DIAPH2: variants seen among roughly 807,000 people sequenced by gnomAD.
DIAPH2 encodes protein diaphanous homolog 2.
Under a neutral mutation model 92.7 loss-of-function variants are expected in DIAPH2, and 35 were observed. The observed-to-expected ratio is 0.38, with a 90% CI of 0.29 to 0.50. The LOEUF (loss-of-function observed/expected upper bound fraction) is 0.50, where lower values mean the gene tolerates loss of function less well. Ranked by LOEUF, DIAPH2 falls within the 20% of genes least tolerant of loss-of-function variation. DIAPH2 has a pLI of 0.94. For missense variants in DIAPH2, 701 were observed against 819.5 expected (o/e 0.86, Z 1.77); for synonymous variants, 301 against 280.4 (o/e 1.07, Z -0.73).
chrX:96,905,944 A>G (rs1466800516), intron 5 of DIAPH2, among the ~76,000 whole-genome samples: 1 of 111,914 alleles, frequency 8.9e-6, no homozygotes, highest in Non-Finnish European at 1.9e-5. Context: ...CCTGGCTAAC[A>G]CGATGAAACC....
chrX:96,685,139 C>G lies in DIAPH2; in HGVS notation c.81C>G (p.Ser27Arg). The G allele has an allele frequency of 9.9e-7, 1 of 1,014,548 alleles. No homozygotes were observed. The highest frequency in any genetic ancestry group is 3.7e-5 in the South Asian group (1 of 26,997). The allele number at this position is 1,014,548 out of a possible 1,213,427, so 83.6% of individuals were successfully genotyped here. The change falls in exon 1 of 27, where the codon AGC (serine) becomes AGG (arginine). Residue 27 changes from serine (S) to arginine (R), a missense_variant. Ser to Arg is a moderately radical substitution (Grantham distance 110). Transcript: ENST00000324765. ...GTGGGGGCCGGAGCAACAAGCGGAG[C>G]GCGGGGAACCGGGCCGCCAATGAAG... is the stretch of plus-strand genomic sequence containing the variant. ...EPGGGRSNKR[S>R]AGNRAANEEE...
At chrX:96,795,100 C>T (rs1216908279) in intron 4 of DIAPH2, among the ~76,000 whole-genome samples, 1 of 111,833 alleles carries the variant, frequency 8.9e-6, no homozygotes, top group African/African-American at 3.2e-5. Context: ...GTCACATTCA[C>T]AGGTTCCATG....
chrX:97,200,430 T>C (rs1274444426), intron 22 of DIAPH2, among the ~76,000 whole-genome samples: 1 of 929 alleles, frequency 1.1e-3, no homozygotes, highest in Non-Finnish European at 0.016. Context: ...CTCAGCAAGC[T>C]AAGAACCATC....
intron 1 of DIAPH2, among the ~76,000 whole-genome samples, chrX:96,696,393 A>G (rs1412359795): frequency 7.1e-5 from 8 of 112,555 alleles, no homozygotes; most frequent in Non-Finnish European, 1.5e-4. Context: ...TAGATGATCT[A>G]CAAAGTTCCA....
intron 7 of DIAPH2, among the ~76,000 whole-genome samples, chrX:96,913,517 G>A (rs1185520588): frequency 9.0e-6 from 1 of 111,489 alleles, no homozygotes; most frequent in Non-Finnish European, 1.9e-5. Flanking sequence ...AAATGAATTA[G>A]TGTTGTTCCC....
At chrX:96,695,893 C>T (rs1293855436) in intron 1 of DIAPH2, among the ~76,000 whole-genome samples, 1 of 111,611 alleles carries the variant, frequency 9.0e-6, no homozygotes, top group Non-Finnish European at 1.9e-5. Context: ...ATTTCCTATC[C>T]TCACTCATCA....
chrX:96,930,870 G>A, intron 10 of DIAPH2, 27 bp downstream of exon 10: 1 of 1,141,199 alleles, frequency 8.8e-7, no homozygotes, highest in Non-Finnish European at 1.2e-6. Flanking sequence ...CATTTATTAT[G>A]CTGATGAATT....
Position 96,972,390 on chromosome X carries a change from C to G in DIAPH2, c.2050+7183C>G, listed in dbSNP as rs1189232883. Among the ~76,000 whole-genome samples the G allele has an allele frequency of 3.6e-5, 4 of 111,671 alleles. No homozygotes were observed. In the South Asian group the frequency reaches 1.5e-3, roughly 42 times the overall value. ...TGAAAGTAGCATAAAATTATACTTC[C>G]TATTTAAATTAGTTTTAGAGAAAAT... On this transcript the variant is annotated intron_variant, in intron 17 of 26. Transcript: ENST00000324765.
chrX:97,499,977 G>T (rs966333849), intron 26 of DIAPH2, among the ~76,000 whole-genome samples: 6 of 112,088 alleles, frequency 5.4e-5, no homozygotes, highest in Non-Finnish European at 1.1e-4. Context: ...TCAGAGATCA[G>T]TTTACTCTGG....
intron 17 of DIAPH2, among the ~76,000 whole-genome samples, chrX:96,996,058 A>G (rs1470485329): frequency 1.8e-5 from 2 of 111,667 alleles, no homozygotes; most frequent in Non-Finnish European, 3.8e-5. Context: ...TCTACTCTTC[A>G]CCTAGAGATA....
intron 22 of DIAPH2, among the ~76,000 whole-genome samples, chrX:97,166,680 A>AT (rs113550963): frequency 0.36 from 40,057 of 110,466 alleles, 5,837 homozygotes; most frequent in South Asian, 0.53. Flanking sequence ...CATGTAATAG[A>AT]TAGTATGTAA....
rs1365414359 is a variant in DIAPH2 at position 96,942,034 on chromosome X, A to G, written c.1342A>G (p.Ile448Val). The change falls in exon 13 of 27, where the codon ATA becomes GTA. Residue 448 changes from isoleucine to valine, a missense_variant. Physicochemically the swap from Ile to Val is conservative, Grantham distance 29. Transcript: ENST00000324765. ...DYYIRPQYYK[I>V]IEECVSQIVL... is the part of the protein sequence containing the mutation. ...CCTTTTCAGGCCACAATATTATAAA[A>G]TAATTGAGGAATGTGTTTCACAGAT... is the stretch of plus-strand genomic sequence containing the variant. The G allele has an allele frequency of 8.6e-7, 1 of 1,168,144 alleles. No homozygotes were observed. Among genetic ancestry groups the G allele is most frequent in the Non-Finnish European group, 1.2e-6 (1 of 857,977 alleles).
chrX:97,077,813 T>C (rs1430147553), intron 19 of DIAPH2, among the ~76,000 whole-genome samples: 1 of 112,352 alleles, frequency 8.9e-6, no homozygotes, highest in Non-Finnish European at 1.9e-5. Context: ...ATGAGTTCTC[T>C]ATGTGGGAAA....
chrX:96,838,033 T>C (rs1309317021), intron 4 of DIAPH2, among the ~76,000 whole-genome samples: 3 of 112,078 alleles, frequency 2.7e-5, no homozygotes, highest in Non-Finnish European at 3.8e-5. Context: ...TGCTTGGCAG[T>C]AAGCTCTTGG....
chrX:96,881,807 C>T, intron 5 of DIAPH2, 89 bp downstream of exon 5: 1 of 961,992 alleles, frequency 1.0e-6, no homozygotes, highest in Non-Finnish European at 1.4e-6. Context: ...TTATTTAAAC[C>T]TCAAGATTTC....
intron 25 of DIAPH2, among the ~76,000 whole-genome samples, chrX:97,424,758 A>C (rs1168741112): frequency 9.0e-6 from 1 of 110,607 alleles, no homozygotes; most frequent in African/African-American, 3.3e-5. Flanking sequence ...GAGACTATAC[A>C]TGCACATGCC....
chrX:97,413,489 G>A (rs1437618645), intron 25 of DIAPH2, among the ~76,000 whole-genome samples: 3 of 111,024 alleles, frequency 2.7e-5, no homozygotes, highest in Non-Finnish European at 5.7e-5. Flanking sequence ...TTTGAAAACT[G>A]GCACAAGACA....
chrX:97,515,195 C>T (rs1229526659), intron 26 of DIAPH2, among the ~76,000 whole-genome samples: 6 of 112,356 alleles, frequency 5.3e-5, no homozygotes, highest in Non-Finnish European at 9.4e-5. Context: ...GAGCCAGGTG[C>T]GGGATATAAT....
At chrX:96,899,840 T>C (rs1416601187) in intron 5 of DIAPH2, among the ~76,000 whole-genome samples, 1 of 110,794 alleles carries the variant, frequency 9.0e-6, no homozygotes, top group Non-Finnish European at 1.9e-5. Flanking sequence ...TTTTTGCCCA[T>C]TCAGTATGAT....
Sources: gnomAD v4.1 joint callset for allele counts (sites outside exome capture counted in the v4.1 genomes callset) on GRCh38, gnomAD v4.1.1 for gene constraint, MANE v1.5 for transcripts, NCBI Gene and HGNC (gene_info 2026-07-23, HGNC 2026-07-21) for gene names.